The following PCDH15 variants were observed in gnomAD, a reference collection of about 807,000 sequenced individuals.
The protein encoded by PCDH15 is protocadherin related 15.
Under a neutral mutation model 178.5 loss-of-function variants are expected in PCDH15, and 129 were observed. The ratio of observed to expected loss-of-function variants is 0.72; its 90% CI spans 0.63 to 0.84. The LOEUF is 0.84. Among genes scored for constraint, PCDH15 ranks in the 40% least tolerant of loss-of-function variants. PCDH15 has a pLI of 0.00. For synonymous variants in PCDH15, 800 were observed against 732.0 expected (o/e 1.09, Z -1.50); for missense variants, 2,230 against 2,099.9 (o/e 1.06, Z -1.21).
intron 1 of PCDH15, among the ~76,000 whole-genome samples, chr10:55,228,162 G>C (rs1841107061): frequency 2.0e-5 from 3 of 152,040 alleles, no homozygotes; most frequent in African/African-American, 7.3e-5. Context: ...GCTGAGGTGG[G>C]TGAAACATAA....
chr10:53,860,633 A>T (rs2079041498), intron 27 of PCDH15, among the ~76,000 whole-genome samples: 1 of 149,788 alleles, frequency 6.7e-6, no homozygotes, highest in Admixed American at 6.7e-5. Flanking sequence ...CTGGAGGTTG[A>T]GGCACGAGAA....
intron 3 of PCDH15, among the ~76,000 whole-genome samples, chr10:54,458,224 T>C (rs913443083): frequency 6.6e-6 from 1 of 152,172 alleles, no homozygotes; most frequent in South Asian, 2.1e-4. Context: ...ATGTTGGGCA[T>C]GAAGCCAGGC....
At chr10:54,731,524 GAATA>G in intron 1 of PCDH15, among the ~76,000 whole-genome samples, 1 of 52,444 alleles carries the variant, frequency 1.9e-5, no homozygotes, top group Non-Finnish European at 4.7e-5. Context: ...GCCCATCAAT[GAATA>G]AAGAAAATGT....
chr10:54,961,526 T>A (rs989866779), intron 2 of PCDH15, among the ~76,000 whole-genome samples: 2 of 152,184 alleles, frequency 1.3e-5, no homozygotes, highest in Non-Finnish European at 2.9e-5. Flanking sequence ...TATGCTGATT[T>A]TTCCAGGCCC....
At chr10:55,514,315 T>C (rs546589190) in intron 2 of PCDH15, among the ~76,000 whole-genome samples, 3 of 152,268 alleles carry the variant, frequency 2.0e-5, no homozygotes, top group Admixed American at 1.3e-4. Context: ...AGATTTCTCA[T>C]TGAAGCTACC....
At chr10:55,068,384 C>A (rs1841622561) in intron 2 of PCDH15, among the ~76,000 whole-genome samples, 2 of 152,028 alleles carry the variant, frequency 1.3e-5, no homozygotes, top group Admixed American at 1.3e-4. Flanking sequence ...ATTTTCTTGG[C>A]AATTTTATCA....
intron 18 of PCDH15, among the ~76,000 whole-genome samples, chr10:54,049,172 G>A (rs985465187): frequency 6.6e-6 from 1 of 152,036 alleles, no homozygotes; most frequent in Non-Finnish European, 1.5e-5. Flanking sequence ...CTCTCAGCTT[G>A]ACTGTTATTT....
At chr10:54,942,431 AT>A (rs59069918) in intron 2 of PCDH15, among the ~76,000 whole-genome samples, 9 of 151,422 alleles carry the variant, frequency 5.9e-5, no homozygotes, top group African/African-American at 1.5e-4. Flanking sequence ...TTCACGAGTT[AT>A]TTTTTTTTCC....
At chr10:54,752,535 A>AC (rs1566128876) in intron 1 of PCDH15, among the ~76,000 whole-genome samples, 1 of 147,868 alleles carries the variant, frequency 6.8e-6, no homozygotes, top group Non-Finnish European at 1.5e-5. Context: ...CAAACAAAAA[A>AC]AAACAATAAA....
chr10:55,487,386 C>G (rs1474917910), intron 2 of PCDH15, among the ~76,000 whole-genome samples: 1 of 151,544 alleles, frequency 6.6e-6, no homozygotes, highest in African/African-American at 2.4e-5. Context: ...TTCTTTCTTA[C>G]CATCTCCCTG....
At chr10:55,287,955 C>T (rs1842912571) in intron 1 of PCDH15, among the ~76,000 whole-genome samples, 1 of 151,694 alleles carries the variant, frequency 6.6e-6, no homozygotes, top group Admixed American at 6.6e-5. Context: ...AGGCTGAGTT[C>T]ACTCAGCTGG....
intron 3 of PCDH15, among the ~76,000 whole-genome samples, chr10:54,866,641 C>A (rs1231315411): frequency 2.0e-5 from 3 of 152,020 alleles, no homozygotes; most frequent in Non-Finnish European, 2.9e-5. Context: ...TTATTAATTT[C>A]TTTTCTTTTT....
At position 54,283,706 on chromosome 10, in the gene PCDH15, T is replaced by C. The variant is rs139089204; in HGVS notation, c.876+33565A>G. On this transcript the variant is annotated intron_variant, in intron 8 of 37. Transcript: ENST00000644397. The stretch of plus-strand genomic sequence containing the variant: ...TAAAGTGTAATACCAAAATAAAAAT[T>C]AGACACTTAGCATTTTCTGTGAGAT... Among the ~76,000 whole-genome samples the C allele has an allele frequency of 3.3e-5, 5 of 152,224 alleles. No individual in the cohort carries two copies. The East Asian group carries it at 9.7e-4, about 29-fold the overall frequency.
At chr10:53,990,887 G>A (rs1048563147) in intron 21 of PCDH15, among the ~76,000 whole-genome samples, 1 of 152,118 alleles carries the variant, frequency 6.6e-6, no homozygotes, top group African/African-American at 2.4e-5. Context: ...TGTGGGCTTG[G>A]CGGGCCCCAC....
chr10:55,031,117 G>A (rs1441407740), intron 2 of PCDH15, among the ~76,000 whole-genome samples: 1 of 151,994 alleles, frequency 6.6e-6, no homozygotes, highest in African/African-American at 2.4e-5. Context: ...TACCTGCCTT[G>A]TATAGTTTAG....
intron 5 of PCDH15, among the ~76,000 whole-genome samples, chr10:54,355,120 CAAAAAAA>C (rs770404490): frequency 7.2e-5 from 5 of 69,840 alleles, no homozygotes; most frequent in South Asian, 6.4e-4. Context: ...AGGAGGATTG[CAAAAAAA>C]AAAAAAAAAA....
intron 24 of PCDH15, among the ~76,000 whole-genome samples, chr10:53,939,531 T>TC (rs972404198): frequency 3.9e-5 from 6 of 152,054 alleles, no homozygotes; most frequent in African/African-American, 1.4e-4. Flanking sequence ...TTATAATATC[T>TC]CCCCCTCTTA....
At chr10:54,540,529 G>A (rs993395997) in intron 2 of PCDH15, among the ~76,000 whole-genome samples, 6 of 151,836 alleles carry the variant, frequency 4.0e-5, no homozygotes, top group Admixed American at 1.3e-4. Flanking sequence ...ACCTACCAAC[G>A]AACAAAAGCC....
chr10:55,550,127 T>C (rs942442340), intron 2 of PCDH15, among the ~76,000 whole-genome samples: 1 of 152,150 alleles, frequency 6.6e-6, no homozygotes, highest in Non-Finnish European at 1.5e-5. Context: ...TCTTGTGCAA[T>C]GTCTGGTACT....
Sources: allele counts gnomAD v4.1 joint callset (sites outside exome capture counted in the v4.1 genomes callset), GRCh38; gene constraint gnomAD v4.1.1; transcripts MANE v1.5; gene names NCBI Gene and HGNC (gene_info 2026-07-23, HGNC 2026-07-21).